Variants in GPHN observed in about 807,000 individuals in gnomAD.
The protein encoded by GPHN is gephyrin.
A neutral mutation model predicts 95.5 loss-of-function variants in GPHN; 17 were observed. The ratio of observed to expected loss-of-function variants is 0.18; its 90% CI spans 0.12 to 0.27. GPHN has a LOEUF of 0.27. GPHN is among the 10% of genes least tolerant of loss of function. The probability of loss-of-function intolerance (pLI) is 1.00; values close to 1 mark genes in which losing one functional copy is unlikely to be tolerated. For missense variants in GPHN, 660 were observed against 978.1 expected (o/e 0.67, Z 4.34); for synonymous variants, 320 against 322.5 (o/e 0.99, Z 0.08).
the GPHN span, chr14:67,279,543 TA>T: frequency 1.3e-6 from 2 of 1,520,440 alleles, no homozygotes; most frequent in Admixed American, 4.6e-5. Context: ...ATTAGGTAAG[TA>T]AAAATAGAGG....
rs1221442884 is a variant in GPHN at position 66,837,207 on chromosome 14, A to G, written c.294+12641A>G. On this transcript the variant is annotated intron_variant, in intron 4 of 22. Coordinates refer to ENST00000478722, the MANE Select transcript of GPHN (RefSeq NM_020806.5). ...TTGGAACCAACCCAAATGTCCAACA[A>G]TGATAGACTGGATTAAGAAAATGTG... Among the ~76,000 whole-genome samples the G allele has an allele frequency of 3.0e-3, 451 of 151,746 alleles. 12 individuals carry two copies. The highest frequency in any genetic ancestry group is 0.01 in the African/African-American group (425 of 41,146).
At chr14:67,322,338 A>C in the GPHN span, among the ~76,000 whole-genome samples, 2 of 152,044 alleles carry the variant, frequency 1.3e-5, no homozygotes, top group Non-Finnish European at 2.9e-5. Flanking sequence ...GCAGAGTGAG[A>C]CTCTGTCTGA....
the GPHN span, among the ~76,000 whole-genome samples, chr14:67,603,671 G>A: frequency 2.0e-5 from 3 of 152,156 alleles, no homozygotes; most frequent in African/African-American, 7.2e-5. Context: ...CCTTATTACT[G>A]CTTTGTGGGT....
chr14:67,445,545 A>C, the GPHN span, among the ~76,000 whole-genome samples: 1 of 142,994 alleles, frequency 7.0e-6, no homozygotes, highest in African/African-American at 2.5e-5. Flanking sequence ...ATTCCCAAGA[A>C]ACAGCCTCAA....
chr14:67,218,675 G>C, the GPHN span, among the ~76,000 whole-genome samples: 6 of 152,098 alleles, frequency 3.9e-5, no homozygotes, highest in Non-Finnish European at 7.4e-5. Flanking sequence ...AAACATATCT[G>C]TAGGGGATGG....
the GPHN span, chr14:67,620,786 G>A: frequency 6.8e-6 from 7 of 1,025,856 alleles, no homozygotes; most frequent in African/African-American, 6.4e-5. Flanking sequence ...TGGAAGGGCT[G>A]ATGCTGTCAC....
chr14:67,729,926 A>G, the GPHN span: 1 of 414,906 alleles, frequency 2.4e-6, no homozygotes, highest in South Asian at 1.8e-5. Flanking sequence ...TCTCTTTCCC[A>G]TTCCATGACA....
chr14:66,816,270 C>G (rs1418811616), intron 3 of GPHN, among the ~76,000 whole-genome samples: 1 of 152,128 alleles, frequency 6.6e-6, no homozygotes, highest in Admixed American at 6.5e-5. Context: ...AACAAATATT[C>G]AGGTCCTGAA....
intron 17 of GPHN, among the ~76,000 whole-genome samples, chr14:67,130,125 T>A (rs2079610221): frequency 6.6e-6 from 1 of 152,202 alleles, no homozygotes; most frequent in East Asian, 1.9e-4. Flanking sequence ...TTCTACTTTT[T>A]AAATTTTAGA....
the GPHN span, chr14:67,651,637 TGTCACTTA>T: frequency 2.7e-6 from 2 of 731,292 alleles, no homozygotes; most frequent in Non-Finnish European, 4.3e-6. Flanking sequence ...GTTCTTTAGC[TGTCACTTA>T]GGGATAACAC....
the GPHN span, among the ~76,000 whole-genome samples, chr14:67,673,173 T>C: frequency 2.1e-3 from 322 of 152,250 alleles, 6 homozygotes; most frequent in East Asian, 0.052. Flanking sequence ...CAAAACCCTG[T>C]CTCTACTAAA....
chr14:66,997,132 G>A (rs539772863), intron 9 of GPHN, among the ~76,000 whole-genome samples: 7 of 152,014 alleles, frequency 4.6e-5, no homozygotes, highest in Non-Finnish European at 7.4e-5. Context: ...TTGTGAGGCC[G>A]AGATGGGTGG....
rs11736737 is a variant in GPHN, at chr14:66,592,629, A to G, written c.64+84038A>G. Reference sequence around the variant, plus strand: ...CCATCTCATGCCAGTTAAAATGGCTATCATTAAAATGTCAGGAAACTACAG... The same window carrying G: ...CCATCTCATGCCAGTTAAAATGGCTGTCATTAAAATGTCAGGAAACTACAG... On this transcript the variant is annotated intron_variant, in intron 1 of 22. Coordinates refer to ENST00000478722, the MANE Select transcript of GPHN (RefSeq NM_020806.5). Among the ~76,000 whole-genome samples, 562 of 152,340 alleles carry G rather than the reference A, an allele frequency of 3.7e-3. 11 individuals carry two copies. The highest frequency in any genetic ancestry group is 0.013 in the African/African-American group (528 of 41,584).
At chr14:67,399,152 T>G in the GPHN span, among the ~76,000 whole-genome samples, 1 of 152,214 alleles carries the variant, frequency 6.6e-6, no homozygotes, top group Non-Finnish European at 1.5e-5. Context: ...CTGACAGTCT[T>G]ACCTAGCCAG....
the GPHN span, chr14:67,302,149 G>C: frequency 6.4e-7 from 1 of 1,563,548 alleles, no homozygotes; most frequent in African/African-American, 1.4e-5. Flanking sequence ...TTTTAAACAA[G>C]TGCATTTTTC....
At chr14:67,379,944 G>A in the GPHN span, among the ~76,000 whole-genome samples, 1 of 151,968 alleles carries the variant, frequency 6.6e-6, no homozygotes, top group African/African-American at 2.4e-5. Context: ...TAATAGAGAT[G>A]GAGGTCTTGC....
chr14:66,637,526 A>G (rs1028514100), intron 1 of GPHN, among the ~76,000 whole-genome samples: 3 of 152,176 alleles, frequency 2.0e-5, no homozygotes, highest in Admixed American at 6.6e-5. Context: ...TCTAATGCAT[A>G]CTAGAGACTT....
At chr14:67,499,779 G>A in the GPHN span, among the ~76,000 whole-genome samples, 1 of 152,054 alleles carries the variant, frequency 6.6e-6, no homozygotes, top group Non-Finnish European at 1.5e-5. Context: ...GTTATTTAAT[G>A]GTGGGGGAAA....
chr14:67,116,657 A>C (rs1447252398), intron 16 of GPHN, among the ~76,000 whole-genome samples: 2 of 152,228 alleles, frequency 1.3e-5, no homozygotes, highest in East Asian at 3.8e-4. Context: ...AGCTGAGACT[A>C]CAGGCTTATG....
Sources: allele counts gnomAD v4.1 joint callset (sites outside exome capture counted in the v4.1 genomes callset), GRCh38; gene constraint gnomAD v4.1.1; transcripts MANE v1.5; gene names NCBI Gene and HGNC (gene_info 2026-07-23, HGNC 2026-07-21).